SRP14: variants seen among roughly 807,000 people sequenced by gnomAD.
SRP14 encodes the protein signal recognition particle 14 kDa protein.
In SRP14, 1 loss-of-function variant was observed where a neutral mutation model predicts 16.0. The ratio of observed to expected loss-of-function variants is 0.06; its 90% confidence interval spans 0.02 to 0.30. SRP14 has a LOEUF of 0.30. Among genes scored for constraint, SRP14 ranks in the 10% least tolerant of loss-of-function variants. SRP14 has a pLI of 1.00. For missense variants in SRP14, 120 were observed against 163.1 expected (o/e 0.74, Z 1.44); for synonymous variants, 67 against 60.1 (o/e 1.12, Z -0.53).
chr15:40,038,241 G>A lies in SRP14; in HGVS notation c.210+41C>T, dbSNP rs1384587749. 4.0e-6 allele frequency: 6 copies of A among 1,484,242 alleles called. No individual in the cohort carries two copies. The South Asian group carries it at 5.6e-5, about 14-fold the overall frequency. The allele number at this position is 1,484,242 out of a possible 1,614,324, so 91.9% of individuals were successfully genotyped here. ...ACGCCCCATCCTCTGTTAAGTTCAA[G>A]TCTTTACATTTCAAAAGACAGCCTT... On this transcript the variant is annotated intron_variant, in intron 3 of 4. Coordinates refer to ENST00000267884, the MANE Select transcript of SRP14 (RefSeq NM_003134.6).
Position 40,036,302 on chromosome 15 carries a change from T to G in SRP14, c.*31A>C. ...AAAGGAAAAAATAGCAATTCAGTGG[T>G]TAATTGGTGAAAGCAGGAAATGTAT... is the stretch of plus-strand genomic sequence containing the variant. On this transcript the variant is annotated 3_prime_UTR_variant, in exon 5 of 5. Coordinates refer to ENST00000267884, the MANE Select transcript of SRP14 (RefSeq NM_003134.6). The G allele has an allele frequency of 6.2e-7, 1 of 1,608,512 alleles. No individual in the cohort carries two copies. Among genetic ancestry groups the G allele is most frequent in the Non-Finnish European group, 8.5e-7 (1 of 1,175,252 alleles).
At position 40,038,870 on chromosome 15, in the gene SRP14, G is replaced by A; in HGVS notation, c.97+6C>T. 1 of 1,613,544 alleles carries A rather than the reference G, an allele frequency of 6.2e-7. No individual in the cohort carries two copies. Among genetic ancestry groups the A allele is most frequent in the Middle Eastern group, 1.6e-4 (1 of 6,062 alleles). On this transcript the variant is annotated splice_donor_region_variant and intron_variant, in intron 2 of 4. Transcript: ENST00000267884. ...AGCATCGCCCGGCTCCCCTCCCGCT[G>A]CTTACACTTCTTCAAGGTGATATAG... is the stretch of plus-strand genomic sequence containing the variant.
intron 3 of SRP14, 190 bp from the exon 4 acceptor site, chr15:40,037,208 A>G: frequency 8.0e-7 from 1 of 1,250,882 alleles, no homozygotes; most frequent in Non-Finnish European, 1.0e-6. Flanking sequence ...AGAGAACAAG[A>G]AAAGGAGCTC....
chr15:40,038,252 T>TCA, intron 3 of SRP14, 30 bp downstream of exon 3: 4 of 1,547,948 alleles, frequency 2.6e-6, no homozygotes, highest in Non-Finnish European at 3.6e-6. Context: ...TCTTTACATT[T>TCA]CAAAAGACAG....
At chr15:40,038,752 G>T in intron 2 of SRP14, 124 bp downstream of exon 2, 1 of 1,044,862 alleles carries the variant, frequency 9.6e-7, no homozygotes, top group Non-Finnish European at 1.4e-6. Flanking sequence ...CCGAAGCCCC[G>T]AATGTGCTCA....
intron 3 of SRP14, among the ~76,000 whole-genome samples, chr15:40,037,945 ACCTGGT>A (rs2140956941): frequency 1.3e-5 from 2 of 152,350 alleles, no homozygotes; most frequent in Non-Finnish European, 2.9e-5. Flanking sequence ...TAATAGCATC[ACCTGGT>A]ACCAAGAAAC....
chr15:40,036,334 T>C lies in SRP14; in HGVS notation c.410A>G (p.Ter137=). Residue 137 remains the stop codon, a stop_retained_variant, in exon 5 of 5, where the codon TAA becomes TGA. Coordinates refer to ENST00000267884, the MANE Select transcript of SRP14 (RefSeq NM_003134.6). ...AATTAATAAQ[*] ...GTGAAAGCAGGAAATGTATGCCCTTTACTGTGCTGCTGTTGCTGCTGTTGT... is the reference window on the plus strand; with the variant it reads ...GTGAAAGCAGGAAATGTATGCCCTTCACTGTGCTGCTGTTGCTGCTGTTGT... 1.2e-6 allele frequency: 2 copies of C among 1,613,694 alleles called. No individual in the cohort carries two copies. The highest frequency in any genetic ancestry group is 1.1e-5 in the South Asian group (1 of 91,040).
Position 40,036,338 on chromosome 15 carries a change from G to C in SRP14, c.406C>G (p.Gln136Glu). The C allele has an allele frequency of 6.2e-7, 1 of 1,613,656 alleles. No individual in the cohort carries two copies. The highest frequency in any genetic ancestry group is 8.5e-7 in the Non-Finnish European group (1 of 1,179,648). The change falls in exon 5 of 5, where the codon CAG becomes GAG. Residue 136 changes from glutamine to glutamate, a missense_variant. Gln to Glu is a conservative substitution (Grantham distance 29). Coordinates refer to ENST00000267884, the MANE Select transcript of SRP14 (RefSeq NM_003134.6). Reference protein sequence around the residue: ...TAATTAATAAQ With the variant: ...TAATTAATAAE ...AAGCAGGAAATGTATGCCCTTTACT[G>C]TGCTGCTGTTGCTGCTGTTGTTGCT...
chr15:40,036,250 G>A lies in SRP14; in HGVS notation c.*83C>T. The A allele has an allele frequency of 6.3e-7, 1 of 1,584,322 alleles. No individual in the cohort carries two copies. The highest frequency in any genetic ancestry group is 8.6e-7 in the Non-Finnish European group (1 of 1,161,338). ...CTTATGTGAAAACACCTACTGTGGG[G>A]GAACCAGAAACCTAGCTATCTGGCC... On this transcript the variant is annotated 3_prime_UTR_variant, in exon 5 of 5. Coordinates refer to ENST00000267884, the MANE Select transcript of SRP14 (RefSeq NM_003134.6).
chr15:40,036,781 G>A, intron 4 of SRP14: 1 of 665,624 alleles, frequency 1.5e-6, no homozygotes, highest in Non-Finnish European at 2.6e-6. Context: ...TATATCTACA[G>A]CCTAAGACAA....
In SRP14 at chr15:40,036,174, C is replaced by A. The variant is rs559410717; in HGVS notation, c.*159G>T. On this transcript the variant is annotated 3_prime_UTR_variant, in exon 5 of 5. Coordinates refer to ENST00000267884, the MANE Select transcript of SRP14 (RefSeq NM_003134.6). Reference sequence around the variant, plus strand: ...AAATGCAAAATAAACTAGATTCTTACCACAACTATCCTATAAACACTGCAA... The same window carrying A: ...AAATGCAAAATAAACTAGATTCTTAACACAACTATCCTATAAACACTGCAA... The A allele has an allele frequency of 1.5e-6, 2 of 1,312,468 alleles. No individual in the cohort carries two copies. Among genetic ancestry groups the A allele is most frequent in the Non-Finnish European group, 2.1e-6 (2 of 951,750 alleles). The allele number at this position is 1,312,468 out of a possible 1,614,324, so 81.3% of individuals were successfully genotyped here.
At position 40,039,180 on chromosome 15, in the gene SRP14, C is replaced by G; in HGVS notation, c.-64G>C. On this transcript the variant is annotated 5_prime_UTR_variant, in exon 1 of 5. Transcript: ENST00000267884. ...TAGCAGTGAGAGCCGGAAGTTCGGC[C>G]TAGGCTGGGCGGGACTTCCGCTACT... 1 of 1,569,526 alleles carries G rather than the reference C, an allele frequency of 6.4e-7. No individual in the cohort carries two copies. Among genetic ancestry groups the G allele is most frequent in the Non-Finnish European group, 8.6e-7 (1 of 1,160,288 alleles).
At chr15:40,037,278 G>GCAAAAAAAAAA in intron 3 of SRP14, 1 of 193,388 alleles carries the variant, frequency 5.2e-6, no homozygotes, top group Non-Finnish European at 6.7e-6. Flanking sequence ...CTCCTTTTGG[G>GCAAAAAAAAAA]GAAAAAAAAA....
In SRP14 at chr15:40,036,359, T is replaced by C. The variant is rs16924519; in HGVS notation, c.385A>G (p.Thr129Ala). 198 of 1,611,898 alleles carry C rather than the reference T, an allele frequency of 1.2e-4. No individual in the cohort carries two copies. The highest frequency in any genetic ancestry group is 8.3e-5 in the Admixed American group (5 of 59,990). The stretch of plus-strand genomic sequence containing the variant: ...TACTGTGCTGCTGTTGCTGCTGTTG[T>C]TGCTGCTGTTGTTGGTGCTGTTGCT... Reference protein sequence around the residue: ...AAATAPTTAATTAATAAQ With the variant: ...AAATAPTTAAATAATAAQ Residue 129 changes from threonine (T) to alanine (A), a missense_variant, in exon 5 of 5, where the codon ACA becomes GCA. Thr to Ala is a moderately conservative substitution (Grantham distance 58). This residue lies in a region of SRP14 where 43 missense variants were observed against 37.0 expected (regional missense o/e 1.16). Transcript: ENST00000267884.
chr15:40,037,965 T>C (rs1230636530), intron 3 of SRP14, among the ~76,000 whole-genome samples: 1 of 152,224 alleles, frequency 6.6e-6, no homozygotes, highest in African/African-American at 2.4e-5. Context: ...AAGAAACTGC[T>C]TATTGAAGGC....
chr15:40,036,734 G>T, intron 4 of SRP14: 2 of 635,966 alleles, frequency 3.1e-6, no homozygotes, highest in Non-Finnish European at 5.4e-6. Flanking sequence ...AGGGAAAATT[G>T]CAGGCAACTT....
intron 4 of SRP14, chr15:40,036,713 G>A (rs571114540): frequency 2.3e-5 from 15 of 660,902 alleles, no homozygotes; most frequent in South Asian, 2.0e-4. Context: ...CATTTTTTAC[G>A]TTTTTTTCCA....
rs2035644610 is a variant in SRP14, at chr15:40,037,409, A to ACAT, written c.211-392_211-391insATG. The ACAT allele has an allele frequency of 4.4e-6, 5 of 1,144,690 alleles. No individual in the cohort carries two copies. The East Asian group carries it at 3.0e-4, about 70-fold the overall frequency. The allele number at this position is 1,144,690 out of a possible 1,614,324, so 70.9% of individuals were successfully genotyped here. A position where few individuals can be genotyped will look rare whatever the true frequency, so the allele number is the denominator to read the frequency against. On this transcript the variant is annotated intron_variant, in intron 3 of 4. Transcript: ENST00000267884. ...TTAATTTTTTATACATTAATAGAAG[A>ACAT]TATATTTAAACTACTCCCTCCCCAT...
In SRP14 at chr15:40,038,912, G is replaced by C; in HGVS notation, c.61C>G (p.Arg21Gly). ...TELTRLFQKC[R>G]TSGSVYITLK... Reference sequence around the variant, plus strand: ...GTGATATAGACGCTGCCCGACGTCCGGCACTTCTGGAAAAGTCTGGTCAGC... The same window carrying C: ...GTGATATAGACGCTGCCCGACGTCCCGCACTTCTGGAAAAGTCTGGTCAGC... The change falls in exon 2 of 5, where the codon CGG (arginine) becomes GGG (glycine). Residue 21 changes from arginine to glycine, a missense_variant. By Grantham distance (125) the Arg-to-Gly change is moderately radical. Around this residue, in one of 3 missense-constraint regions of SRP14, gnomAD observed 33 missense variants for 33.0 expected, o/e 1.00. Transcript: ENST00000267884. 1.2e-6 allele frequency: 2 copies of C among 1,613,526 alleles called. No homozygotes were observed. Among genetic ancestry groups the C allele is most frequent in the Non-Finnish European group, 8.5e-7 (1 of 1,179,816 alleles).
Sources: allele counts gnomAD v4.1 joint callset (sites outside exome capture counted in the v4.1 genomes callset), GRCh38; gene constraint gnomAD v4.1.1; regional missense constraint gnomAD v4.1.1; transcripts MANE v1.5; gene names NCBI Gene and HGNC (gene_info 2026-07-23, HGNC 2026-07-21).